The following EDIL3 variants were observed in gnomAD, a reference collection of about 807,000 sequenced individuals.
EDIL3 encodes EGF like and discoidin domains 3.
In EDIL3, 37 loss-of-function variants were observed where a neutral mutation model predicts 67.4. The ratio of observed to expected loss-of-function variants is 0.55; its 90% CI spans 0.42 to 0.72. EDIL3 has a LOEUF of 0.72. Among genes scored for constraint, EDIL3 ranks in the 30% least tolerant of loss-of-function variants. The pLI is 0.00. For missense variants in EDIL3, 527 were observed against 586.3 expected (o/e 0.90, Z 1.04); for synonymous variants, 195 against 196.3 (o/e 0.99, Z 0.05).
At position 83,963,300 on chromosome 5, in the gene EDIL3, C is replaced by T; in HGVS notation, c.1198G>A (p.Gly400Ser). 6.2e-7 allele frequency: 1 copy of T among 1,610,290 alleles called. No individual in the cohort carries two copies. Among genetic ancestry groups the T allele is most frequent in the African/African-American group, 1.3e-5 (1 of 74,696 alleles). ...TAGGAGCCAACAAACTGTACATGAC[C>T]AAAATCTTTAGCTCCTTGTGTAATG... Reference protein sequence around the residue: ...GIITQGAKDFGHVQFVGSYKL... With the variant: ...GIITQGAKDFSHVQFVGSYKL... Residue 400 changes from glycine to serine, a missense_variant, in exon 10 of 11, where the codon GGT (glycine) becomes AGT (serine). Physicochemically the swap from Gly to Ser is moderately conservative, Grantham distance 56. Transcript: ENST00000296591.
intron 6 of EDIL3, 66 bp from the exon 7 acceptor site, chr5:84,066,672 A>C (rs1746647782): frequency 3.2e-6 from 5 of 1,546,070 alleles, no homozygotes; most frequent in Non-Finnish European, 4.3e-6. Context: ...GAAAATACGA[A>C]TTTTAGAAAT....
intron 1 of EDIL3, among the ~76,000 whole-genome samples, chr5:84,315,548 A>C (rs990483010): frequency 1.3e-5 from 2 of 152,174 alleles, no homozygotes; most frequent in Non-Finnish European, 2.9e-5. Flanking sequence ...AACTGAACAG[A>C]TACATTGCTA....
At chr5:84,278,609 T>A (rs1745633907) in intron 1 of EDIL3, among the ~76,000 whole-genome samples, 1 of 152,132 alleles carries the variant, frequency 6.6e-6, no homozygotes, top group African/African-American at 2.4e-5. Flanking sequence ...AAGGAAATAA[T>A]AACATATTTC....
At chr5:84,133,904 T>C (rs1171100022) in intron 5 of EDIL3, among the ~76,000 whole-genome samples, 2 of 152,004 alleles carry the variant, frequency 1.3e-5, no homozygotes, top group African/African-American at 4.8e-5. Flanking sequence ...AAATCAGAAA[T>C]ATGTATTATT....
intron 3 of EDIL3, among the ~76,000 whole-genome samples, chr5:84,197,195 AT>A (rs1743728289): frequency 6.6e-6 from 1 of 152,056 alleles, no homozygotes; most frequent in Non-Finnish European, 1.5e-5. Context: ...AAGGGAGATT[AT>A]AGACAAATAA....
At chr5:84,241,846 A>G (rs982053931) in intron 2 of EDIL3, among the ~76,000 whole-genome samples, 1 of 152,082 alleles carries the variant, frequency 6.6e-6, no homozygotes, top group Non-Finnish European at 1.5e-5. Context: ...AATTATTTAT[A>G]TCACTTAATT....
At chr5:84,077,821 C>T (rs1746888444) in intron 6 of EDIL3, among the ~76,000 whole-genome samples, 2 of 151,336 alleles carry the variant, frequency 1.3e-5, no homozygotes, top group Admixed American at 1.3e-4. Context: ...TTTTCTCTTC[C>T]ACTTCTTCTT....
At chr5:84,003,998 A>G (rs935853287) in intron 9 of EDIL3, among the ~76,000 whole-genome samples, 8 of 129,298 alleles carry the variant, frequency 6.2e-5, no homozygotes, top group African/African-American at 2.0e-4. Flanking sequence ...AAGCAAAAAG[A>G]AAAAAAAAAA....
At chr5:84,090,288 T>C (rs1747141340) in intron 6 of EDIL3, among the ~76,000 whole-genome samples, 1 of 152,236 alleles carries the variant, frequency 6.6e-6, no homozygotes, top group African/African-American at 2.4e-5. Flanking sequence ...CATCCATTGC[T>C]TTAAAATGTT....
chr5:84,211,615 C>T (rs529691943), intron 3 of EDIL3, among the ~76,000 whole-genome samples: 9 of 152,176 alleles, frequency 5.9e-5, no homozygotes, highest in East Asian at 1.9e-4. Context: ...GATGTGAAGA[C>T]GGAGGCAGAA....
intron 1 of EDIL3, among the ~76,000 whole-genome samples, chr5:84,362,958 T>C (rs1747644087): frequency 6.8e-6 from 1 of 147,836 alleles, no homozygotes; most frequent in Non-Finnish European, 1.5e-5. Flanking sequence ...TATGTTTTTG[T>C]TTTTCTGTTT....
At chr5:84,252,653 G>C (rs1053438294) in intron 2 of EDIL3, among the ~76,000 whole-genome samples, 3 of 151,858 alleles carry the variant, frequency 2.0e-5, no homozygotes, top group Non-Finnish European at 4.4e-5. Flanking sequence ...TGGGGTTGTT[G>C]GGCTTAAAAT....
At chr5:84,220,739 C>G (rs528264833) in intron 3 of EDIL3, among the ~76,000 whole-genome samples, 1 of 152,262 alleles carries the variant, frequency 6.6e-6, no homozygotes, top group East Asian at 1.9e-4. Context: ...CTCCATGGGA[C>G]AGTCTTGATT....
At chr5:84,051,653 G>A (rs952741015) in intron 9 of EDIL3, among the ~76,000 whole-genome samples, 2 of 152,238 alleles carry the variant, frequency 1.3e-5, no homozygotes, top group Admixed American at 6.5e-5. Flanking sequence ...TGAGAACTAC[G>A]TGACAAATGC....
chr5:84,180,315 A>G, intron 4 of EDIL3, 78 bp downstream of exon 4: 1 of 1,442,830 alleles, frequency 6.9e-7, no homozygotes, highest in South Asian at 1.5e-5. Context: ...CTATGATTCT[A>G]CTACAAACAA....
chr5:84,318,749 A>G (rs1746565227), intron 1 of EDIL3, among the ~76,000 whole-genome samples: 1 of 152,212 alleles, frequency 6.6e-6, no homozygotes. Context: ...AGGCATGGGC[A>G]AAGACTTCAT....
chr5:84,291,666 A>ATC (rs1745919073), intron 1 of EDIL3, among the ~76,000 whole-genome samples: 1 of 142,516 alleles, frequency 7.0e-6, no homozygotes, highest in African/African-American at 2.5e-5. Flanking sequence ...ATATCTATAT[A>ATC]TATATCTATC....
chr5:83,966,690 C>A (rs1223102092), intron 9 of EDIL3, among the ~76,000 whole-genome samples: 1 of 151,890 alleles, frequency 6.6e-6, no homozygotes, highest in Non-Finnish European at 1.5e-5. Flanking sequence ...TCTCATAGGA[C>A]TTTATGAGAA....
chr5:84,244,864 C>A (rs1251391178), intron 2 of EDIL3, among the ~76,000 whole-genome samples: 1 of 152,200 alleles, frequency 6.6e-6, no homozygotes, highest in Non-Finnish European at 1.5e-5. Context: ...CCCGTCAGAT[C>A]AGCAGCAGCA....
Sources: allele counts gnomAD v4.1 joint callset (sites outside exome capture counted in the v4.1 genomes callset), GRCh38; gene constraint gnomAD v4.1.1; transcripts MANE v1.5; gene names NCBI Gene and HGNC (gene_info 2026-07-23, HGNC 2026-07-21).